Variants in IFT74 observed in about 807,000 individuals in gnomAD.
The protein encoded by IFT74 is intraflagellar transport protein 74 homolog.
In IFT74, 92 loss-of-function variants were observed where a neutral mutation model predicts 96.7. That is an observed-to-expected ratio of 0.95 (90% CI 0.80 to 1.13). The LOEUF (loss-of-function observed/expected upper bound fraction) is 1.13, where lower values mean the gene tolerates loss of function less well. Among genes scored for constraint, IFT74 ranks in the 50% most tolerant of loss-of-function variants. IFT74 has a pLI of 0.00. For missense variants in IFT74, 811 were observed against 698.2 expected (o/e 1.16, Z -1.82); for synonymous variants, 223 against 213.2 (o/e 1.05, Z -0.40).
rs760610062 is a variant in IFT74, at chr9:27,029,000, A to G, written c.975-25A>G. 8 of 1,550,310 alleles carry G rather than the reference A, an allele frequency of 5.2e-6. No individual in the cohort carries two copies. In the South Asian group the frequency reaches 9.6e-5, roughly 19 times the overall value. On this transcript the variant is annotated intron_variant, in intron 12 of 19. Coordinates refer to ENST00000380062, the MANE Select transcript of IFT74 (RefSeq NM_025103.4). ...ATTGAATGTCTATATTTCCTTCATA[A>G]ATTCATTAAAAATATTTTCAACAGG... is the stretch of plus-strand genomic sequence containing the variant.
At chr9:27,007,449 A>C (rs905997909) in intron 8 of IFT74, among the ~76,000 whole-genome samples, 1 of 152,170 alleles carries the variant, frequency 6.6e-6, no homozygotes, top group African/African-American at 2.4e-5. Flanking sequence ...CTTTCCTTTC[A>C]ATTTCTTTGA....
rs868265603 is a variant in IFT74, at chr9:26,990,036, T to C, written c.526-98T>C. 8.5e-5 allele frequency: 47 copies of C among 550,154 alleles called. No homozygotes were observed. The Middle Eastern group carries it at 3.2e-3, about 37-fold the overall frequency. 34.1% of individuals were successfully genotyped at this position (550,154 alleles called of 1,614,324 possible). A position where few individuals can be genotyped will look rare whatever the true frequency, so the allele number is the denominator to read the frequency against. On this transcript the variant is annotated intron_variant, in intron 7 of 19. Transcript: ENST00000380062. ...TTTGTATGTGGCACTAGGATAATTA[T>C]AGTAATTTCTCATTTAGTTCCTAGC... is the stretch of plus-strand genomic sequence containing the variant.
chr9:27,009,200 T>G, intron 9 of IFT74, 42 bp downstream of exon 9: 1 of 1,565,400 alleles, frequency 6.4e-7, no homozygotes, highest in Non-Finnish European at 8.7e-7. Flanking sequence ...GTATCATTCT[T>G]GCTACTAAAA....
rs1820376693 is a variant in IFT74 at position 27,060,660 on chromosome 9, TA to T, written c.1684+14del. 1 of 1,593,166 alleles carries T rather than the reference TA, an allele frequency of 6.3e-7. No homozygotes were observed. Among genetic ancestry groups the T allele is most frequent in the Admixed American group, 1.7e-5 (1 of 58,686 alleles). ...TTTTGCGATGAAAGAATGTATCCTTTAAAAAGCTGAAAATGGGGCCGGGTGC... is the reference window on the plus strand; with the variant it reads ...TTTTGCGATGAAAGAATGTATCCTTTAAAAGCTGAAAATGGGGCCGGGTGC... On this transcript the variant is annotated intron_variant, in intron 19 of 19. Coordinates refer to ENST00000380062, the MANE Select transcript of IFT74 (RefSeq NM_025103.4).
At chr9:26,957,045 G>C (rs568986766) in intron 1 of IFT74, among the ~76,000 whole-genome samples, 1 of 152,208 alleles carries the variant, frequency 6.6e-6, no homozygotes, top group Admixed American at 6.5e-5. Context: ...AATTAAGGTG[G>C]CAAGATTATG....
intron 8 of IFT74, among the ~76,000 whole-genome samples, chr9:26,991,995 C>T (rs1185488788): frequency 2.6e-5 from 4 of 151,898 alleles, no homozygotes; most frequent in African/African-American, 9.7e-5. Flanking sequence ...CGCCATCGTG[C>T]CACTGCACTC....
intron 1 of IFT74, among the ~76,000 whole-genome samples, chr9:26,948,552 C>G (rs909771770): frequency 7.0e-6 from 1 of 143,564 alleles, no homozygotes; most frequent in Non-Finnish European, 1.5e-5. Flanking sequence ...CACTGCAACC[C>G]TCGCCTCCCG....
At chr9:27,038,375 G>A (rs12341157) in intron 13 of IFT74, among the ~76,000 whole-genome samples, 1,868 of 152,192 alleles carry the variant, frequency 0.012, 37 homozygotes, top group African/African-American at 0.041. Flanking sequence ...CAGTTCTCAC[G>A]CCTCAGCCTC....
intron 11 of IFT74, 149 bp downstream of exon 11, chr9:27,017,199 A>G (rs1441513390): frequency 2.1e-6 from 1 of 477,070 alleles, no homozygotes; most frequent in African/African-American, 2.0e-5. Context: ...TTTTTAATCT[A>G]GATTTTCTTC....
intron 10 of IFT74, among the ~76,000 whole-genome samples, chr9:27,014,994 CTTTATG>C (rs1325545556): frequency 6.6e-6 from 1 of 152,172 alleles, no homozygotes; most frequent in Non-Finnish European, 1.5e-5. Context: ...TTTTTGAATA[CTTTATG>C]TTCACTGCTG....
Position 27,044,762 on chromosome 9 carries a change from A to G in IFT74, c.1075A>G (p.Lys359Glu). ...CATAGGTGAAATGAACCAGAAATAC[A>G]AGGAGCTAAAGAAAAGGGAGGAACA... ...EHQGEMNQKYKELKKREEHMD... is the reference protein window; with the variant it reads ...EHQGEMNQKYEELKKREEHMD... Residue 359 changes from lysine to glutamate, a missense_variant, in exon 14 of 20, where the codon AAG becomes GAG. Transcript: ENST00000380062. 6.4e-7 allele frequency: 1 copy of G among 1,568,486 alleles called. No homozygotes were observed. The highest frequency in any genetic ancestry group is 1.8e-5 in the Admixed American group (1 of 54,828).
intron 16 of IFT74, among the ~76,000 whole-genome samples, chr9:27,051,300 A>G (rs1819910223): frequency 6.6e-6 from 1 of 152,136 alleles, no homozygotes; most frequent in Admixed American, 6.6e-5. Context: ...CCTATTTTAT[A>G]TCCAGATTTG....
chr9:27,024,526 G>C (rs1187736385), intron 12 of IFT74, among the ~76,000 whole-genome samples: 4 of 152,166 alleles, frequency 2.6e-5, no homozygotes, highest in African/African-American at 9.7e-5. Context: ...CAGTCCTTGA[G>C]TCTCAGATCT....
chr9:27,052,252 G>A (rs1272562907), intron 16 of IFT74, among the ~76,000 whole-genome samples: 2 of 152,138 alleles, frequency 1.3e-5, no homozygotes, highest in African/African-American at 4.8e-5. Flanking sequence ...GCTCACGCCT[G>A]TAATCCCACC....
At position 27,047,309 on chromosome 9, in the gene IFT74, G is replaced by A. The variant is rs774958283; in HGVS notation, c.1144G>A (p.Glu382Lys). Residue 382 changes from glutamate to lysine, a missense_variant, in exon 15 of 20, where the codon GAA becomes AAA. Glu to Lys is a moderately conservative substitution (Grantham distance 56). Coordinates refer to ENST00000380062, the MANE Select transcript of IFT74 (RefSeq NM_025103.4). ...GACTTTTGAGGAAACAAAGAATCAGGAACTGAAACGAAAGGCACAGATAGA... is the reference window on the plus strand; with the variant it reads ...GACTTTTGAGGAAACAAAGAATCAGAAACTGAAACGAAAGGCACAGATAGA... ...IETFEETKNQELKRKAQIEAN... is the reference protein window; with the variant it reads ...IETFEETKNQKLKRKAQIEAN... 2.5e-6 allele frequency: 4 copies of A among 1,613,052 alleles called. No individual in the cohort carries two copies. The East Asian group carries it at 8.9e-5, about 36-fold the overall frequency.
At position 27,026,095 on chromosome 9, in the gene IFT74, C is replaced by T. The variant is rs376688543; in HGVS notation, c.975-2930C>T. On this transcript the variant is annotated intron_variant, in intron 12 of 19. Transcript: ENST00000380062. ...GTATCTCCCATCTTCAAGTGACTCA[C>T]CTAATGCATAAGGTCTCACATAAAC... Among the ~76,000 whole-genome samples the T allele has an allele frequency of 1.2e-4, 19 of 152,242 alleles. No individual in the cohort carries two copies. The East Asian group carries it at 3.7e-3, about 29-fold the overall frequency.
intron 2 of IFT74, among the ~76,000 whole-genome samples, chr9:26,977,911 A>G (rs1361717185): frequency 6.6e-6 from 1 of 152,226 alleles, no homozygotes; most frequent in South Asian, 2.1e-4. Flanking sequence ...TTTTCCTGAA[A>G]TGTATTTTTA....
intron 8 of IFT74, among the ~76,000 whole-genome samples, chr9:26,996,082 G>A (rs1020952754): frequency 1.3e-5 from 2 of 152,078 alleles, no homozygotes; most frequent in Non-Finnish European, 1.5e-5. Flanking sequence ...TAAGATTTGT[G>A]ACTAGACTAG....
At chr9:27,005,901 A>G (rs996476968) in intron 8 of IFT74, among the ~76,000 whole-genome samples, 2 of 152,116 alleles carry the variant, frequency 1.3e-5, no homozygotes, top group South Asian at 2.1e-4. Context: ...GTGCAGTGGC[A>G]TGATCTCGGC....
Sources: gnomAD v4.1 joint callset for allele counts (sites outside exome capture counted in the v4.1 genomes callset) on GRCh38, gnomAD v4.1.1 for gene constraint, MANE v1.5 for transcripts, NCBI Gene and HGNC (gene_info 2026-07-23, HGNC 2026-07-21) for gene names.